CFAP299: variants seen among roughly 807,000 people sequenced by gnomAD.
CFAP299 encodes the protein cilia and flagella associated protein 299, also known as cilia- and flagella-associated protein 299.
CFAP299 carries 21 observed loss-of-function variants against 27.0 expected under a neutral mutation model. The observed-to-expected ratio is 0.78, with a 90% CI of 0.55 to 1.12. The LOEUF is 1.12. Ranked by LOEUF, CFAP299 falls within the 50% of genes most tolerant of loss-of-function variation. The pLI is 0.00. For missense variants in CFAP299, 310 were observed against 276.6 expected, an observed-to-expected ratio of 1.12 and a Z score of -0.86; for synonymous variants, 104 against 98.1, an observed-to-expected ratio of 1.06 and a Z score of -0.36.
intron 3 of CFAP299, among the ~76,000 whole-genome samples, chr4:80,764,026 T>C (rs1048642879): frequency 4.6e-5 from 7 of 152,246 alleles, no homozygotes; most frequent in Admixed American, 3.3e-4. Context: ...TAGAATGCCA[T>C]TCAGGACATA....
chr4:80,887,089 A>C (rs954574709), intron 4 of CFAP299, among the ~76,000 whole-genome samples: 9 of 152,214 alleles, frequency 5.9e-5, no homozygotes, highest in Non-Finnish European at 1.0e-4. Flanking sequence ...TCTAGAAAAT[A>C]GCCCCAAAAG....
intron 5 of CFAP299, among the ~76,000 whole-genome samples, chr4:80,950,038 C>G (rs1359508097): frequency 6.6e-6 from 1 of 152,082 alleles, no homozygotes; most frequent in Non-Finnish European, 1.5e-5. Context: ...TTCAATATTG[C>G]AACTACCAGA....
Position 80,963,682 on chromosome 4 carries a change from T to C in CFAP299, c.*70T>C. ...ATTCCGTAGACAGAGCAAATTAGAA[T>C]AATAAATGAGCCCTGTAGCTGGAAG... On this transcript the variant is annotated 3_prime_UTR_variant, in exon 6 of 6. Transcript: ENST00000358105. The C allele has an allele frequency of 4.0e-6, 4 of 1,009,794 alleles. No homozygotes were observed. The South Asian group carries it at 4.4e-5, about 11-fold the overall frequency. 62.6% of individuals were successfully genotyped at this position (1,009,794 alleles called of 1,614,324 possible). A position where few individuals can be genotyped will look rare whatever the true frequency, so the allele number is the denominator to read the frequency against.
intron 2 of CFAP299, among the ~76,000 whole-genome samples, chr4:80,529,876 C>T (rs948089172): frequency 2.6e-5 from 4 of 151,992 alleles, no homozygotes; most frequent in Non-Finnish European, 5.9e-5. Flanking sequence ...AACTGAATTA[C>T]ACACAAGCAA....
chr4:80,386,445 G>T, intron 2 of CFAP299: 1 of 1,543,714 alleles, frequency 6.5e-7, no homozygotes, highest in Non-Finnish European at 8.7e-7. Context: ...GTCAGGCAAG[G>T]GGGTCACCAC....
intron 2 of CFAP299, among the ~76,000 whole-genome samples, chr4:80,370,473 A>G (rs549492547): frequency 1.9e-4 from 29 of 152,336 alleles, no homozygotes; most frequent in African/African-American, 6.3e-4. Flanking sequence ...GTCATCTGAA[A>G]CAAGGCTAGT....
intron 3 of CFAP299, among the ~76,000 whole-genome samples, chr4:80,661,449 A>G (rs1255909498): frequency 6.6e-6 from 1 of 152,124 alleles, no homozygotes; most frequent in East Asian, 1.9e-4. Flanking sequence ...TTCCCAAATT[A>G]ATACTTTTAT....
intron 2 of CFAP299, among the ~76,000 whole-genome samples, chr4:80,428,077 T>G (rs1028977889): frequency 1.3e-5 from 2 of 152,206 alleles, no homozygotes; most frequent in Non-Finnish European, 2.9e-5. Flanking sequence ...CTGCAGAAAC[T>G]AGTGGCTCAA....
At chr4:80,704,298 A>G (rs941993412) in intron 3 of CFAP299, among the ~76,000 whole-genome samples, 1 of 151,758 alleles carries the variant, frequency 6.6e-6, no homozygotes, top group Non-Finnish European at 1.5e-5. Context: ...GAGCAAACTC[A>G]TGTATGATGG....
chr4:80,753,861 T>C (rs985633974), intron 3 of CFAP299, among the ~76,000 whole-genome samples: 7 of 152,170 alleles, frequency 4.6e-5, no homozygotes, highest in Non-Finnish European at 8.8e-5. Flanking sequence ...TTTCTTATGG[T>C]TTCCTTCCTC....
chr4:80,519,995 G>T (rs1293035544), intron 2 of CFAP299, among the ~76,000 whole-genome samples: 1 of 152,154 alleles, frequency 6.6e-6, no homozygotes, highest in Non-Finnish European at 1.5e-5. Context: ...CTAGGACAAA[G>T]AGAGCTATAC....
intron 2 of CFAP299, among the ~76,000 whole-genome samples, chr4:80,573,936 A>C (rs1025648017): frequency 1.3e-5 from 2 of 152,084 alleles, no homozygotes; most frequent in African/African-American, 4.8e-5. Flanking sequence ...AGCTTTGGCT[A>C]TTCTGGGTCT....
At chr4:80,576,582 G>A (rs1735879004) in intron 2 of CFAP299, among the ~76,000 whole-genome samples, 1 of 152,132 alleles carries the variant, frequency 6.6e-6, no homozygotes, top group Non-Finnish European at 1.5e-5. Flanking sequence ...GGTTCTGTCA[G>A]TAAATTTATC....
chr4:80,735,445 A>T (rs1203543836), intron 3 of CFAP299, among the ~76,000 whole-genome samples: 1 of 151,928 alleles, frequency 6.6e-6, no homozygotes, highest in African/African-American at 2.4e-5. Flanking sequence ...CTTTCTTCTG[A>T]TTGCTCTAGC....
chr4:80,595,231 G>A (rs1737001932), intron 3 of CFAP299, among the ~76,000 whole-genome samples: 1 of 152,064 alleles, frequency 6.6e-6, no homozygotes, highest in Non-Finnish European at 1.5e-5. Flanking sequence ...GCCAAGATTG[G>A]TTTCCTTCTT....
chr4:80,493,816 C>T (rs368998998), intron 2 of CFAP299, among the ~76,000 whole-genome samples: 7 of 124,878 alleles, frequency 5.6e-5, no homozygotes, highest in Non-Finnish European at 9.4e-5. Context: ...TCGCCCAGGC[C>T]AGACTGCGGA....
chr4:80,502,926 C>T (rs1287932910), intron 2 of CFAP299, among the ~76,000 whole-genome samples: 1 of 151,978 alleles, frequency 6.6e-6, no homozygotes. Context: ...TCCAGGAGAA[C>T]TATGAAAATA....
intron 2 of CFAP299, among the ~76,000 whole-genome samples, chr4:80,504,456 A>ATC: frequency 1.3e-5 from 1 of 79,038 alleles, no homozygotes; most frequent in African/African-American, 4.3e-5. Context: ...TTTGCTTAAA[A>ATC]TCTCACATAT....
intron 2 of CFAP299, among the ~76,000 whole-genome samples, chr4:80,380,493 T>C (rs1356169706): frequency 6.8e-6 from 1 of 146,984 alleles, no homozygotes; most frequent in African/African-American, 2.5e-5. Flanking sequence ...AGTGGCATGA[T>C]CTTGGCTCAC....
Sources: allele counts gnomAD v4.1 joint callset (sites outside exome capture counted in the v4.1 genomes callset), GRCh38; gene constraint gnomAD v4.1.1; transcripts MANE v1.5; gene names NCBI Gene and HGNC (gene_info 2026-07-23, HGNC 2026-07-21).